ZFAND3: variants seen among roughly 807,000 people sequenced by gnomAD.
ZFAND3 encodes zinc finger AN1-type containing 3, also known as AN1-type zinc finger protein 3.
ZFAND3 carries 10 observed loss-of-function variants against 29.6 expected under a neutral mutation model. That is an observed-to-expected ratio of 0.34 (90% CI 0.21 to 0.57). ZFAND3 has a LOEUF of 0.57. ZFAND3 is among the 20% of genes least tolerant of loss of function. The pLI, the probability that ZFAND3 is intolerant of heterozygous loss-of-function variation, is 0.86. For missense variants in ZFAND3, 230 were observed against 304.5 expected (o/e 0.76, Z 1.82); for synonymous variants, 128 against 112.6 (o/e 1.14, Z -0.87).
chr6:38,061,606 A>T lies in ZFAND3; in HGVS notation c.126A>T (p.Lys42Asn). The stretch of plus-strand genomic sequence containing the variant: ...ATTTTTCTTCAGATTTTCAAAAGAA[A>T]CAGCCAGACGATGATTCCGCTCCAA... ...CSKCFADFQK[K>N]QPDDDSAPST... The change falls in exon 3 of 6, where the codon AAA becomes AAT. Residue 42 changes from lysine to asparagine, a missense_variant. Lys to Asn is a moderately conservative substitution (Grantham distance 94, BLOSUM62 0). This residue lies in a region of ZFAND3 where 180 missense variants were observed against 202.5 expected (regional missense o/e 0.89). Coordinates refer to ENST00000287218, the MANE Select transcript of ZFAND3 (RefSeq NM_021943.3). The T allele has an allele frequency of 6.2e-7, 1 of 1,614,176 alleles. No individual in the cohort carries two copies. The highest frequency in any genetic ancestry group is 2.2e-5 in the East Asian group (1 of 44,884).
At chr6:37,870,771 A>T (rs1764681876) in intron 1 of ZFAND3, among the ~76,000 whole-genome samples, 1 of 152,126 alleles carries the variant, frequency 6.6e-6, no homozygotes, top group Non-Finnish European at 1.5e-5. Context: ...GCAGCCTCAA[A>T]CCCCTGGGCT....
chr6:38,126,242 C>A (rs143187529), intron 5 of ZFAND3, among the ~76,000 whole-genome samples: 1 of 152,166 alleles, frequency 6.6e-6, no homozygotes, highest in Non-Finnish European at 1.5e-5. Context: ...GTAGTTCATT[C>A]CTCTTTAATG....
intron 5 of ZFAND3, among the ~76,000 whole-genome samples, chr6:38,131,982 T>C (rs1051912859): frequency 2.0e-5 from 3 of 152,228 alleles, no homozygotes; most frequent in African/African-American, 4.8e-5. Context: ...CAGTGGATTA[T>C]TTGGCTGAAC....
chr6:37,896,554 C>CTTTCTCTCTTTCTTTCTTTCT (rs1765214135), intron 1 of ZFAND3, among the ~76,000 whole-genome samples: 1 of 137,698 alleles, frequency 7.3e-6, no homozygotes, highest in African/African-American at 2.8e-5. Context: ...TTCTTTCTTT[C>CTTTCTCTCTTTCTTTCTTTCT]TTTCTTTCTT....
chr6:38,126,459 G>C (rs1448014501), intron 5 of ZFAND3, among the ~76,000 whole-genome samples: 1 of 152,138 alleles, frequency 6.6e-6, no homozygotes, highest in African/African-American at 2.4e-5. Flanking sequence ...CCTTAACATT[G>C]TAAGAAACTT....
At chr6:38,152,146 C>T (rs1255699074) in intron 5 of ZFAND3, 89 bp from the exon 6 acceptor site, 1 of 1,272,180 alleles carries the variant, frequency 7.9e-7, no homozygotes. Flanking sequence ...GGATGCCCCT[C>T]CATCCTCTGG....
chr6:37,980,823 T>C (rs1762566398), intron 2 of ZFAND3, among the ~76,000 whole-genome samples: 1 of 152,226 alleles, frequency 6.6e-6, no homozygotes, highest in African/African-American at 2.4e-5. Flanking sequence ...GTTGACGTTC[T>C]ATTACTGGAT....
chr6:38,153,921 A>G lies in ZFAND3; in HGVS notation c.*1532A>G. 1.0e-6 allele frequency: 1 copy of G among 985,456 alleles called. No homozygotes were observed. The highest frequency in any genetic ancestry group is 1.2e-6 in the Non-Finnish European group (1 of 829,928). 61.0% of individuals were successfully genotyped at this position (985,456 alleles called of 1,614,324 possible). A position where few individuals can be genotyped will look rare whatever the true frequency, so the allele number is the denominator to read the frequency against. The stretch of plus-strand genomic sequence containing the variant: ...AACTTTCCTTTTTATAAAACAACAA[A>G]TGGTTCAACTCTGTCTGCAAATTAA... On this transcript the variant is annotated 3_prime_UTR_variant, in exon 6 of 6. Coordinates refer to ENST00000287218, the MANE Select transcript of ZFAND3 (RefSeq NM_021943.3).
chr6:37,987,608 A>G (rs1762692293), intron 2 of ZFAND3, among the ~76,000 whole-genome samples: 1 of 152,226 alleles, frequency 6.6e-6, no homozygotes, highest in Non-Finnish European at 1.5e-5. Flanking sequence ...TGTAAACTTT[A>G]AATACCCTGG....
chr6:38,033,551 C>G (rs1763603198), intron 2 of ZFAND3, among the ~76,000 whole-genome samples: 1 of 152,142 alleles, frequency 6.6e-6, no homozygotes, highest in African/African-American at 2.4e-5. Flanking sequence ...TGTGTGACAG[C>G]TAGTAGTTTA....
intron 2 of ZFAND3, among the ~76,000 whole-genome samples, chr6:37,987,932 G>GTA (rs1295928641): frequency 1.3e-5 from 2 of 152,150 alleles, no homozygotes; most frequent in Non-Finnish European, 2.9e-5. Context: ...AATAGATTTA[G>GTA]TATTTTCCGG....
intron 2 of ZFAND3, among the ~76,000 whole-genome samples, chr6:38,032,933 A>G (rs10456097): frequency 0.3 from 45,600 of 152,078 alleles, 7,530 homozygotes; most frequent in Non-Finnish European, 0.38. Flanking sequence ...TGTACTATGC[A>G]GAGTCCATGT....
chr6:38,091,144 G>A (rs1764859980), intron 4 of ZFAND3, among the ~76,000 whole-genome samples: 1 of 152,224 alleles, frequency 6.6e-6, no homozygotes, highest in Non-Finnish European at 1.5e-5. Context: ...ATGCACTCTA[G>A]TATAAAAACG....
intron 1 of ZFAND3, among the ~76,000 whole-genome samples, chr6:37,855,901 C>CT (rs1319736844): frequency 6.6e-6 from 1 of 152,082 alleles, no homozygotes; most frequent in Non-Finnish European, 1.5e-5. Context: ...TACATTATAC[C>CT]TTTCTTGAAT....
At chr6:37,962,681 C>G (rs568600968) in intron 2 of ZFAND3, among the ~76,000 whole-genome samples, 1 of 152,254 alleles carries the variant, frequency 6.6e-6, no homozygotes, top group South Asian at 2.1e-4. Context: ...CCAATCAGAA[C>G]TCTGTAAAAT....
At chr6:37,943,091 TG>T (rs1200272322) in intron 2 of ZFAND3, among the ~76,000 whole-genome samples, 2 of 152,078 alleles carry the variant, frequency 1.3e-5, no homozygotes, top group African/African-American at 4.8e-5. Context: ...AGTATCATGT[TG>T]AAAAAAAAGG....
In ZFAND3 at chr6:38,050,155, G is replaced by A. The variant is rs143204955; in HGVS notation, c.113-11438G>A. Among the ~76,000 whole-genome samples the A allele has an allele frequency of 9.6e-4, 145 of 151,626 alleles. 2 individuals are homozygous for A. Among genetic ancestry groups the A allele is most frequent in the East Asian group, 8.1e-3 (42 of 5,164 alleles). On this transcript the variant is annotated intron_variant, in intron 2 of 5. Coordinates refer to ENST00000287218, the MANE Select transcript of ZFAND3 (RefSeq NM_021943.3). Reference sequence around the variant, plus strand: ...TTTTTAGTAGAGATAGGGTTTCACCGTGTTGCCCAGGCTGGTCTTAAACTC... The same window carrying A: ...TTTTTAGTAGAGATAGGGTTTCACCATGTTGCCCAGGCTGGTCTTAAACTC...
chr6:38,095,379 A>AT (rs1267450771), intron 4 of ZFAND3, among the ~76,000 whole-genome samples: 5 of 152,160 alleles, frequency 3.3e-5, no homozygotes, highest in Non-Finnish European at 5.9e-5. Flanking sequence ...TTATATTTGC[A>AT]TTATAGCTTT....
intron 1 of ZFAND3, among the ~76,000 whole-genome samples, chr6:37,830,777 C>T (rs1429733160): frequency 6.6e-6 from 1 of 151,766 alleles, no homozygotes; most frequent in Non-Finnish European, 1.5e-5. Context: ...GGGAATTCAA[C>T]AGTCTTGCCC....
Sources: allele counts gnomAD v4.1 joint callset (sites outside exome capture counted in the v4.1 genomes callset), GRCh38; gene constraint gnomAD v4.1.1; regional missense constraint gnomAD v4.1.1; transcripts MANE v1.5; gene names NCBI Gene and HGNC (gene_info 2026-07-23, HGNC 2026-07-21).